PMPCB: variants seen among roughly 807,000 people sequenced by gnomAD.
The protein encoded by PMPCB is mitochondrial-processing peptidase subunit beta.
A neutral mutation model predicts 61.5 loss-of-function variants in PMPCB; 46 were observed. The ratio of observed to expected loss-of-function variants is 0.75; its 90% CI spans 0.59 to 0.96. The LOEUF (loss-of-function observed/expected upper bound fraction) is 0.96. PMPCB is among the 40% of genes least tolerant of loss of function. PMPCB has a pLI of 0.00. For synonymous variants in PMPCB, 191 were observed against 201.6 expected, an observed-to-expected ratio of 0.95 and a Z score of 0.44; for missense variants, 590 against 602.4, an observed-to-expected ratio of 0.98 and a Z score of 0.22.
In PMPCB at chr7:103,312,260, C is replaced by T. The variant is rs755664229; in HGVS notation, c.1459C>T (p.Leu487Phe). 1.2e-6 allele frequency: 2 copies of T among 1,611,182 alleles called. No individual in the cohort carries two copies. Among genetic ancestry groups the T allele is most frequent in the Non-Finnish European group, 1.7e-6 (2 of 1,179,860 alleles). The part of the protein sequence containing the change: ...FKQIRSNMCW[L>F]RD Reference sequence around the variant, plus strand: ...ACAGATACGCAGTAACATGTGTTGGCTTCGTGATTAAAATGCTCCTAATCA... The same window carrying T: ...ACAGATACGCAGTAACATGTGTTGGTTTCGTGATTAAAATGCTCCTAATCA... Residue 487 changes from leucine (L) to phenylalanine (F), a missense_variant, in exon 13 of 13, where the codon CTT (leucine) becomes TTT (phenylalanine). Physicochemically the swap from Leu to Phe is conservative, Grantham distance 22 (BLOSUM62 0). Transcript: ENST00000249269.
chr7:103,297,701 G>T, intron 1 of PMPCB, 143 bp downstream of exon 1: 1 of 1,536,340 alleles, frequency 6.5e-7, no homozygotes, highest in African/African-American at 1.4e-5. Context: ...GGCGGCCTGG[G>T]GCTGCTGAAC....
At position 103,299,500 on chromosome 7, in the gene PMPCB, G is replaced by A; in HGVS notation, c.298G>A (p.Ala100Thr). 6.2e-7 allele frequency: 1 copy of A among 1,612,568 alleles called. No individual in the cohort carries two copies. The highest frequency in any genetic ancestry group is 8.5e-7 in the Non-Finnish European group (1 of 1,178,812). Residue 100 changes from alanine to threonine, a missense_variant, in exon 3 of 13, where the codon GCA becomes ACA. Coordinates refer to ENST00000249269, the MANE Select transcript of PMPCB (RefSeq NM_004279.3). The part of the protein sequence containing the change: ...RYENEKNNGT[A>T]HFLEHMAFKG... ...CGAAAATGAGAAGAACAATGGAACA[G>A]CACACTTTCTGGAGCATATGGCTTT... is the stretch of plus-strand genomic sequence containing the variant.
At chr7:103,300,421 G>C in intron 4 of PMPCB, 114 bp downstream of exon 4, 1 of 799,652 alleles carries the variant, frequency 1.3e-6, no homozygotes, top group South Asian at 2.9e-5. Context: ...ATGTGAAAAA[G>C]CGAAACTGAA....
At chr7:103,305,133 C>T (rs1817542962) in intron 6 of PMPCB, among the ~76,000 whole-genome samples, 2 of 152,116 alleles carry the variant, frequency 1.3e-5, no homozygotes, top group African/African-American at 4.8e-5. Flanking sequence ...TTCTTGAGAA[C>T]CAACTTCGTC....
Position 103,300,165 on chromosome 7 carries a change from C to A in PMPCB, c.328-13C>A. 1 of 1,604,876 alleles carries A rather than the reference C, an allele frequency of 6.2e-7. No homozygotes were observed. The highest frequency in any genetic ancestry group is 8.5e-7 in the Non-Finnish European group (1 of 1,176,484). ...GGAGTTTGCATAATTTGTTTTTCCT[C>A]TTTTATTTCAAGGGCACCAAGAAGA... On this transcript the variant is annotated splice_polypyrimidine_tract_variant and intron_variant, in intron 3 of 12. Coordinates refer to ENST00000249269, the MANE Select transcript of PMPCB (RefSeq NM_004279.3).
At position 103,298,558 on chromosome 7, in the gene PMPCB, C is replaced by T; in HGVS notation, c.100-10C>T. On this transcript the variant is annotated splice_polypyrimidine_tract_variant and intron_variant, in intron 1 of 12. Coordinates refer to ENST00000249269, the MANE Select transcript of PMPCB (RefSeq NM_004279.3). ...TTGCTTTGTCTCTTCCACTTCCTAC[C>T]CCCAACCAGTCATTATATTTTGGAG... 4 of 1,613,020 alleles carry T rather than the reference C, an allele frequency of 2.5e-6. No homozygotes were observed. The highest frequency in any genetic ancestry group is 1.3e-5 in the African/African-American group (1 of 74,996).
chr7:103,338,062 A>G, the PMPCB span, among the ~76,000 whole-genome samples: 1 of 152,084 alleles, frequency 6.6e-6, no homozygotes, highest in East Asian at 1.9e-4. Flanking sequence ...GCCCAGGAAT[A>G]TGAGGCCAGC....
intron 1 of PMPCB, 23 bp downstream of exon 1, chr7:103,297,581 C>T (rs765870505): frequency 1.1e-5 from 17 of 1,612,246 alleles, no homozygotes; most frequent in Non-Finnish European, 1.4e-5. Context: ...CCAGGCCGGT[C>T]CTGTCCTCGA....
At chr7:103,321,973 C>T in intron 12 of PMPCB, 1 of 1,613,854 alleles carries the variant, frequency 6.2e-7, no homozygotes, top group Non-Finnish European at 8.5e-7. Context: ...TTCTTAATGG[C>T]TTTTTTCTGG....
At chr7:103,297,928 T>G in intron 1 of PMPCB, 6 of 1,265,340 alleles carry the variant, frequency 4.7e-6, no homozygotes, top group Non-Finnish European at 6.0e-6. Context: ...TCAGCTGGGC[T>G]TCCCGCGAAC....
At chr7:103,333,950 C>CT (rs1563471240), downstream of PMPCB, among the ~76,000 whole-genome samples, 21 of 148,804 alleles carry the variant, frequency 1.4e-4, no homozygotes, top group South Asian at 2.1e-4. Flanking sequence ...CTGTTGTGAA[C>CT]ATTTTTTTTT....
chr7:103,309,987 A>G (rs183117086), intron 8 of PMPCB, among the ~76,000 whole-genome samples: 1 of 152,358 alleles, frequency 6.6e-6, no homozygotes, highest in East Asian at 1.9e-4. Context: ...TATGCAATAT[A>G]ACTTTGAATC....
intron 12 of PMPCB, chr7:103,319,799 T>C (rs779682332): frequency 1.2e-6 from 2 of 1,614,204 alleles, no homozygotes; most frequent in Non-Finnish European, 1.7e-6. Flanking sequence ...ACTTCTTCCA[T>C]CATTTTAACC....
At chr7:103,316,741 T>C, downstream of PMPCB, 1 of 1,103,286 alleles carries the variant, frequency 9.1e-7, no homozygotes, top group Non-Finnish European at 1.3e-6. Context: ...TGCAAGTTTC[T>C]GTGATAACAA....
the PMPCB span, chr7:103,337,147 A>G: frequency 1.3e-5 from 2 of 152,362 alleles, no homozygotes; most frequent in African/African-American, 4.8e-5. Flanking sequence ...GATCACGTGT[A>G]TAAGAAATTA....
the PMPCB span, among the ~76,000 whole-genome samples, chr7:103,346,822 G>GTGTGTGTA: frequency 6.4e-3 from 81 of 12,672 alleles, no homozygotes; most frequent in African/African-American, 8.2e-3. Flanking sequence ...TGAATAATGT[G>GTGTGTGTA]TGTGTGTGTG....
At chr7:103,327,777 A>G (rs764604513) in intron 12 of PMPCB, 25 of 1,539,896 alleles carry the variant, frequency 1.6e-5, no homozygotes, top group Non-Finnish European at 2.1e-5. Context: ...TCAGATTGAG[A>G]TAATTTGTCA....
At chr7:103,334,533 G>A in the PMPCB span, among the ~76,000 whole-genome samples, 10 of 150,568 alleles carry the variant, frequency 6.6e-5, no homozygotes, top group African/African-American at 1.7e-4. Flanking sequence ...CCAAGATCAC[G>A]CGACTGCACT....
At chr7:103,310,206 T>G in intron 8 of PMPCB, 109 bp from the exon 9 acceptor site, 1 of 781,164 alleles carries the variant, frequency 1.3e-6, no homozygotes, top group South Asian at 1.6e-5. Flanking sequence ...TGAATAAAAC[T>G]AGGAAACAGC....
Sources: allele counts gnomAD v4.1 joint callset (sites outside exome capture counted in the v4.1 genomes callset), GRCh38; gene constraint gnomAD v4.1.1; transcripts MANE v1.5; gene names NCBI Gene and HGNC (gene_info 2026-07-23, HGNC 2026-07-21).